HMCN2: variants seen among roughly 807,000 people sequenced by gnomAD.
HMCN2 encodes the protein hemicentin-2.
Under a neutral mutation model 377.5 loss-of-function variants are expected in HMCN2, and 325 were observed. The observed-to-expected ratio is 0.86, with a 90% CI of 0.79 to 0.94. The LOEUF (loss-of-function observed/expected upper bound fraction) is 0.94, where lower values mean the gene tolerates loss of function less well. Ranked by LOEUF, HMCN2 falls within the 40% of genes least tolerant of loss-of-function variation. The pLI is 0.00. For missense variants in HMCN2, 4,543 were observed against 4,725.3 expected, an observed-to-expected ratio of 0.96 and a Z score of 1.13; for synonymous variants, 2,007 against 2,046.8, an observed-to-expected ratio of 0.98 and a Z score of 0.53.
rs910646141 is a variant in HMCN2, at chr9:130,431,437, C to T, written c.14718C>T (p.Cys4906=). 6.5e-7 allele frequency: 1 copy of T among 1,550,128 alleles called. No individual in the cohort carries two copies. The highest frequency in any genetic ancestry group is 1.4e-5 in the African/African-American group (1 of 73,050). Residue 4906 remains cysteine, a synonymous_variant, in exon 96 of 98, where the codon TGC becomes TGT. Coordinates refer to ENST00000683500, the MANE Select transcript of HMCN2 (RefSeq NM_001291815.2). The part of the protein sequence containing the change: ...ACRNTEGSYQ[C]LCPAGYRLLP... ...GCAACACTGAGGGCAGCTACCAGTG[C>T]CTGTGCCCCGCCGGCTACCGTCTGC...
intron 77 of HMCN2, 95 bp downstream of exon 77, chr9:130,401,042 C>A: frequency 9.1e-7 from 1 of 1,103,108 alleles, no homozygotes; most frequent in Non-Finnish European, 1.2e-6. Flanking sequence ...TAGGATGGAA[C>A]TATCTGGCCT....
intron 22 of HMCN2, among the ~76,000 whole-genome samples, chr9:130,330,215 C>G (rs1441028401): frequency 1.3e-4 from 20 of 152,212 alleles, no homozygotes; most frequent in African/African-American, 3.9e-4. Flanking sequence ...CCCTCTCCCC[C>G]CTCCCCTGCT....
Position 130,353,208 on chromosome 9 carries a change from G to A in HMCN2, c.4864+3G>A, listed in dbSNP as rs1237834091. On this transcript the variant is annotated splice_donor_region_variant and intron_variant, in intron 31 of 97. Coordinates refer to ENST00000683500, the MANE Select transcript of HMCN2 (RefSeq NM_001291815.2). ...GGCCACCAGGCTGGATGTTTATGGT[G>A]AGCAGCCAGGGGCCACGGCAGCCGG... 2 of 1,302,842 alleles carry A rather than the reference G, an allele frequency of 1.5e-6. No individual in the cohort carries two copies. Among genetic ancestry groups the A allele is most frequent in the Non-Finnish European group, 2.0e-6 (2 of 988,534 alleles). 80.7% of individuals were successfully genotyped at this position (1,302,842 alleles called of 1,614,324 possible). A position where few individuals can be genotyped will look rare whatever the true frequency, so the allele number is the denominator to read the frequency against.
intron 46 of HMCN2, 57 bp downstream of exon 46, chr9:130,371,188 C>A: frequency 1.1e-6 from 1 of 941,548 alleles, no homozygotes; most frequent in Non-Finnish European, 1.3e-6. Flanking sequence ...CTGCCTCTGA[C>A]TCTATCCATT....
At chr9:130,415,669 G>A (rs1208881899) in intron 85 of HMCN2, among the ~76,000 whole-genome samples, 1 of 152,240 alleles carries the variant, frequency 6.6e-6, no homozygotes, top group Non-Finnish European at 1.5e-5. Context: ...CAGTTTTCAA[G>A]TTGGCCTCGG....
rs76392629 is a variant in HMCN2, at chr9:130,355,053, G to A, written c.5146+9G>A. 143,238 of 1,264,098 alleles carry A rather than the reference G, an allele frequency of 0.11. 8,618 individuals carry two copies. Among genetic ancestry groups the A allele is most frequent in the African/African-American group, 0.21 (13,610 of 65,524 alleles). The allele number at this position is 1,264,098 out of a possible 1,614,324, so 78.3% of individuals were successfully genotyped here. On this transcript the variant is annotated intron_variant, in intron 32 of 97. Coordinates refer to ENST00000683500, the MANE Select transcript of HMCN2 (RefSeq NM_001291815.2). ...CTCCGTGGAGGTTCAGGGTGAGCCC[G>A]GCCCACCCCACTCAGAGCTGCCTGG...
intron 1 of HMCN2, among the ~76,000 whole-genome samples, chr9:130,272,576 C>G (rs1357616480): frequency 1.3e-5 from 2 of 151,906 alleles, no homozygotes; most frequent in African/African-American, 4.8e-5. Context: ...GAGACAGGGT[C>G]TCATTCTGTT....
intron 82 of HMCN2, chr9:130,406,448 GC>G (rs1319645019): frequency 3.2e-6 from 1 of 315,938 alleles, no homozygotes; most frequent in Non-Finnish European, 6.3e-6. Flanking sequence ...CTAGTCCAGA[GC>G]TGCTGCTCCC....
intron 1 of HMCN2, among the ~76,000 whole-genome samples, chr9:130,273,852 T>A (rs571919565): frequency 6.6e-6 from 1 of 152,318 alleles, no homozygotes; most frequent in East Asian, 1.9e-4. Context: ...GATTCTTGGT[T>A]TGAGTTTTTG....
chr9:130,356,922 ATGAATGGGTTGG>A (rs1361392042), intron 34 of HMCN2, among the ~76,000 whole-genome samples: 1 of 150,444 alleles, frequency 6.6e-6, no homozygotes, highest in African/African-American at 2.4e-5. Context: ...GGGTGGGTGG[ATGAATGGGTTGG>A]TGGATGAATG....
rs912110900 is a variant in HMCN2, at chr9:130,265,802, G to A, written c.-77G>A. 1.4e-5 allele frequency: 4 copies of A among 276,756 alleles called. No homozygotes were observed. Among genetic ancestry groups the A allele is most frequent in the East Asian group, 2.9e-4 (2 of 6,862 alleles). The allele number at this position is 276,756 out of a possible 1,614,324, so 17.1% of individuals were successfully genotyped here. A position where few individuals can be genotyped will look rare whatever the true frequency, so the allele number is the denominator to read the frequency against. Reference sequence around the variant, plus strand: ...ACGGAGCAAGGCACTGCCTGCAGCCGCCGTGTGCACCGGGGCGGCCGGCTA... The same window carrying A: ...ACGGAGCAAGGCACTGCCTGCAGCCACCGTGTGCACCGGGGCGGCCGGCTA... On this transcript the variant is annotated 5_prime_UTR_variant, in exon 1 of 98. Transcript: ENST00000683500.
chr9:130,295,070 T>G, intron 5 of HMCN2, 44 bp downstream of exon 5: 2 of 395,706 alleles, frequency 5.1e-6, no homozygotes, highest in Non-Finnish European at 1.1e-5. Flanking sequence ...GCCCCAAGAC[T>G]GAGGTGGAAG....
chr9:130,397,800 G>C (rs924402437), intron 74 of HMCN2, 145 bp downstream of exon 74: 18 of 645,852 alleles, frequency 2.8e-5, no homozygotes, highest in Non-Finnish European at 6.7e-6. Context: ...AAAAAGTTGT[G>C]ATCATGCACA....
Position 130,428,314 on chromosome 9 carries a change from TG to T in HMCN2, c.14066-40del. 1 of 1,492,106 alleles carries T rather than the reference TG, an allele frequency of 6.7e-7. No homozygotes were observed. The highest frequency in any genetic ancestry group is 9.0e-7 in the Non-Finnish European group (1 of 1,114,210). The allele number at this position is 1,492,106 out of a possible 1,614,324, so 92.4% of individuals were successfully genotyped here. ...CCAGGGTCAGGTGGCGAGGCACGCC[TG>T]GGGATCATGTTCACACAGCCGTCTG... On this transcript the variant is annotated intron_variant, in intron 92 of 97. Transcript: ENST00000683500. The surrounding 1 kb of genome is among the most constrained non-coding windows in gnomAD (Gnocchi z 5.0).
rs936588880 is a variant in HMCN2, at chr9:130,362,066, T to G, written c.6009T>G (p.Pro2003=). 72 of 986,036 alleles carry G rather than the reference T, an allele frequency of 7.3e-5. No homozygotes were observed. The highest frequency in any genetic ancestry group is 8.4e-5 in the Non-Finnish European group (70 of 830,146). The allele number at this position is 986,036 out of a possible 1,614,324, so 61.1% of individuals were successfully genotyped here. A position where few individuals can be genotyped will look rare whatever the true frequency, so the allele number is the denominator to read the frequency against. Residue 2003 remains proline, a synonymous_variant, in exon 39 of 98, where the codon CCT becomes CCG. Coordinates refer to ENST00000683500, the MANE Select transcript of HMCN2 (RefSeq NM_001291815.2). ...SLPGPVLVNT[P]VRLTCNATGA... ...CAGGCCCTGTGTTGGTCAACACCCCTGTCCGGCTGACCTGCAATGCCACCG... is the reference window on the plus strand; with the variant it reads ...CAGGCCCTGTGTTGGTCAACACCCCGGTCCGGCTGACCTGCAATGCCACCG...
At chr9:130,338,646 C>T (rs999802828) in intron 23 of HMCN2, 1 of 152,214 alleles carries the variant, frequency 6.6e-6, no homozygotes, top group African/African-American at 2.4e-5. Context: ...TGGGTGTTCC[C>T]CTGGGGCTCA....
intron 23 of HMCN2, among the ~76,000 whole-genome samples, chr9:130,339,684 G>C (rs1838947048): frequency 2.0e-5 from 3 of 152,238 alleles, no homozygotes; most frequent in Admixed American, 2.0e-4. Flanking sequence ...AATGGAAGCT[G>C]TTATTGTTTT....
chr9:130,268,252 G>A (rs1176176336), intron 1 of HMCN2, among the ~76,000 whole-genome samples: 1 of 152,098 alleles, frequency 6.6e-6, no homozygotes, highest in African/African-American at 2.4e-5. Flanking sequence ...TCTCCTCTCT[G>A]GGCACTGAGC....
Position 130,356,271 on chromosome 9 carries a change from TG to T in HMCN2, c.5425+18del. The T allele has an allele frequency of 7.8e-7, 1 of 1,284,458 alleles. No individual in the cohort carries two copies. The allele number at this position is 1,284,458 out of a possible 1,614,324, so 79.6% of individuals were successfully genotyped here. ...TGTCTGTGCATGGTGAGTGGGCGCC[TG>T]GGGTTCTGGAGCTGTGGGCAGCCTG... On this transcript the variant is annotated intron_variant, in intron 34 of 97. Coordinates refer to ENST00000683500, the MANE Select transcript of HMCN2 (RefSeq NM_001291815.2).
Sources: gnomAD v4.1 joint callset for allele counts (sites outside exome capture counted in the v4.1 genomes callset) on GRCh38, gnomAD v4.1.1 for gene constraint, Gnocchi (gnomAD v3.1) non-coding constraint, MANE v1.5 for transcripts, NCBI Gene and HGNC (gene_info 2026-07-23, HGNC 2026-07-21) for gene names.